The following PCDHA3 variants were observed in gnomAD, a reference collection of about 807,000 sequenced individuals.
PCDHA3 encodes the protein protocadherin alpha-3.
In PCDHA3, 41 loss-of-function variants were observed where a neutral mutation model predicts 62.2. That is an observed-to-expected ratio of 0.66 (90% CI 0.51 to 0.86). The LOEUF is 0.86. Ranked by LOEUF, PCDHA3 falls within the 40% of genes least tolerant of loss-of-function variation. The pLI is 0.00. For missense variants in PCDHA3, 1,304 were observed against 1,241.2 expected (o/e 1.05, Z -0.76); for synonymous variants, 640 against 555.4 (o/e 1.15, Z -2.14).
intron 1 of PCDHA3, among the ~76,000 whole-genome samples, chr5:140,906,598 C>T (rs1258343234): frequency 6.6e-6 from 1 of 152,238 alleles, no homozygotes; most frequent in African/African-American, 2.4e-5. Flanking sequence ...TCCTCTACTA[C>T]TCATTCTGTA....
chr5:140,863,258 G>A lies in PCDHA3; in HGVS notation c.2394+59667G>A, dbSNP rs1456133535. On this transcript the variant is annotated intron_variant, in intron 1 of 3. Transcript: ENST00000522353. The stretch of plus-strand genomic sequence containing the variant: ...CGGGCTTTGGCGGGCGTCGAGGTCC[G>A]GGAGGCAGCGCTGGTGGATGTCAAC... 8 of 1,445,594 alleles carry A rather than the reference G, an allele frequency of 5.5e-6. No homozygotes were observed. In the Admixed American group the frequency reaches 9.0e-5, roughly 16 times the overall value. The allele number at this position is 1,445,594 out of a possible 1,614,324, so 89.5% of individuals were successfully genotyped here.
At chr5:140,940,110 T>C (rs2092554073) in intron 1 of PCDHA3, among the ~76,000 whole-genome samples, 1 of 152,240 alleles carries the variant, frequency 6.6e-6, no homozygotes, top group Admixed American at 6.5e-5. Context: ...CGTTATGTAT[T>C]ATTTACCTCT....
intron 1 of PCDHA3, among the ~76,000 whole-genome samples, chr5:140,911,457 A>G (rs1225259689): frequency 6.6e-6 from 1 of 152,144 alleles, no homozygotes; most frequent in Non-Finnish European, 1.5e-5. Flanking sequence ...CTCTTTCTCT[A>G]CAGGAGATAA....
At chr5:140,811,519 T>C (rs530756303) in intron 1 of PCDHA3, 1 of 152,310 alleles carries the variant, frequency 6.6e-6, no homozygotes, top group East Asian at 1.9e-4. Flanking sequence ...TTTAGATATA[T>C]ACCCAGTAAT....
intron 1 of PCDHA3, among the ~76,000 whole-genome samples, chr5:140,925,337 A>G (rs2082438861): frequency 6.6e-6 from 1 of 152,072 alleles, no homozygotes; most frequent in South Asian, 2.1e-4. Flanking sequence ...TAAAAGAAGG[A>G]TTTGAGTGAG....
rs141978908 is a variant in PCDHA3 at position 140,828,437 on chromosome 5, G to T, written c.2394+24846G>T. ...GGTGATCGTGGACAGGCCGCTGCAG[G>T]TTTTCCATGTGGACGTGGAGGTGAG... On this transcript the variant is annotated intron_variant, in intron 1 of 3. Coordinates refer to ENST00000522353, the MANE Select transcript of PCDHA3 (RefSeq NM_018906.3). 7.8e-5 allele frequency: 126 copies of T among 1,614,152 alleles called. No individual in the cohort carries two copies. Among genetic ancestry groups the T allele is most frequent in the Non-Finnish European group, 9.9e-5 (117 of 1,180,064 alleles).
At chr5:140,863,748 C>T (rs1221413981) in intron 1 of PCDHA3, 2 of 241,286 alleles carry the variant, frequency 8.3e-6, no homozygotes, top group South Asian at 5.4e-5. Flanking sequence ...TTTGTAATCC[C>T]GGCACTTTGG....
chr5:140,843,274 G>A, intron 1 of PCDHA3: 6 of 1,596,094 alleles, frequency 3.8e-6, no homozygotes, highest in Non-Finnish European at 5.1e-6. Flanking sequence ...TGGTCCTGGT[G>A]AAGGATCATG....
intron 1 of PCDHA3, chr5:140,850,027 A>G (rs2150464152): frequency 2.5e-6 from 4 of 1,596,758 alleles, no homozygotes; most frequent in Non-Finnish European, 3.4e-6. Context: ...GTGTCAGTGC[A>G]CGCGGAGAGC....
At chr5:140,974,108 C>A (rs977903039) in intron 1 of PCDHA3, among the ~76,000 whole-genome samples, 3 of 152,182 alleles carry the variant, frequency 2.0e-5, no homozygotes, top group African/African-American at 7.2e-5. Flanking sequence ...TAAAAGTATT[C>A]TTTTGCAGTG....
chr5:140,981,443 G>A lies in PCDHA3; in HGVS notation c.2454-1032G>A, dbSNP rs530782878. ...ACAAAAATGAGCCAGGCATGGTGGC[G>A]GGTGCCTGTAGTCCCAGCTACTTGG... On this transcript the variant is annotated intron_variant, in intron 2 of 3. Transcript: ENST00000522353. Among the ~76,000 whole-genome samples, 6 of 152,126 alleles carry A rather than the reference G, an allele frequency of 3.9e-5. No homozygotes were observed. The Middle Eastern group carries it at 0.01, about 259-fold the overall frequency.
intron 1 of PCDHA3, chr5:140,884,494 C>A: frequency 6.2e-7 from 1 of 1,614,068 alleles, no homozygotes; most frequent in Non-Finnish European, 8.5e-7. Context: ...TAGTGTGCTC[C>A]AGCGCGGCAG....
chr5:140,888,067 T>G (rs1392142536), intron 1 of PCDHA3, among the ~76,000 whole-genome samples: 1 of 152,224 alleles, frequency 6.6e-6, no homozygotes, highest in Admixed American at 6.5e-5. Context: ...CTTTCTTGTC[T>G]GCTAATTTCA....
At chr5:140,821,786 C>A in intron 1 of PCDHA3, 1 of 1,611,088 alleles carries the variant, frequency 6.2e-7, no homozygotes, top group Non-Finnish European at 8.5e-7. Flanking sequence ...ATGGTATATT[C>A]CCGGAGAGGA....
intron 1 of PCDHA3, chr5:140,810,045 GT>G: frequency 6.5e-6 from 1 of 154,226 alleles, no homozygotes; most frequent in Non-Finnish European, 1.4e-5. Flanking sequence ...TTTTATAACT[GT>G]TTGTTCGGGG....
At chr5:140,869,746 A>G in intron 1 of PCDHA3, 1 of 1,613,340 alleles carries the variant, frequency 6.2e-7, no homozygotes, top group Non-Finnish European at 8.5e-7. Flanking sequence ...GCTAACAGCT[A>G]CAGACGGGGG....
At chr5:140,883,226 G>T (rs572696678) in intron 1 of PCDHA3, 82 of 1,613,938 alleles carry the variant, frequency 5.1e-5, no homozygotes, top group South Asian at 4.2e-4. Flanking sequence ...TGAAATATCC[G>T]TGGAGGCAGT....
At chr5:140,870,273 C>T in intron 1 of PCDHA3, 10 of 1,614,192 alleles carry the variant, frequency 6.2e-6, no homozygotes, top group Non-Finnish European at 8.5e-6. Flanking sequence ...CGCTGACGCC[C>T]CACGTTCCCT....
chr5:140,836,217 CA>C, intron 1 of PCDHA3: 1 of 1,613,820 alleles, frequency 6.2e-7, no homozygotes, highest in Non-Finnish European at 8.5e-7. Context: ...GTATGAGTTG[CA>C]ACCGGTGGCG....
Sources: allele counts gnomAD v4.1 joint callset (sites outside exome capture counted in the v4.1 genomes callset), GRCh38; gene constraint gnomAD v4.1.1; transcripts MANE v1.5; gene names NCBI Gene and HGNC (gene_info 2026-07-23, HGNC 2026-07-21).